Variants in CCDC149 observed in about 807,000 individuals in gnomAD.
The protein encoded by CCDC149 is coiled-coil domain-containing protein 149.
In CCDC149, 45 loss-of-function variants were observed where a neutral mutation model predicts 59.9. The observed-to-expected ratio is 0.75, with a 90% CI of 0.59 to 0.96. The LOEUF (loss-of-function observed/expected upper bound fraction) is 0.96. Among genes scored for constraint, CCDC149 ranks in the 40% least tolerant of loss-of-function variants. The pLI, the probability that CCDC149 is intolerant of heterozygous loss-of-function variation, is 0.00. For synonymous variants in CCDC149, 245 were observed against 260.6 expected, an observed-to-expected ratio of 0.94 and a Z score of 0.58; for missense variants, 584 against 664.7, an observed-to-expected ratio of 0.88 and a Z score of 1.33.
intron 1 of CCDC149, among the ~76,000 whole-genome samples, chr4:24,935,882 G>C (rs1036163439): frequency 6.6e-6 from 1 of 151,992 alleles, no homozygotes; most frequent in Non-Finnish European, 1.5e-5. Context: ...GAAACTGAAC[G>C]GAACCTAGAA....
chr4:24,828,916 G>C (rs1490797815), intron 9 of CCDC149: 1 of 152,434 alleles, frequency 6.6e-6, no homozygotes, highest in Non-Finnish European at 1.5e-5. Flanking sequence ...AGGGAGTGCT[G>C]TGAACCTGGG....
At chr4:24,860,666 A>G (rs1410701585) in intron 3 of CCDC149, among the ~76,000 whole-genome samples, 2 of 152,242 alleles carry the variant, frequency 1.3e-5, no homozygotes, top group Non-Finnish European at 2.9e-5. Flanking sequence ...CAACCCACAG[A>G]GTGGGAGAAA....
chr4:24,903,698 TA>T (rs1293612554), intron 1 of CCDC149, among the ~76,000 whole-genome samples: 1 of 152,130 alleles, frequency 6.6e-6, no homozygotes, highest in African/African-American at 2.4e-5. Flanking sequence ...AATACATCCA[TA>T]AATCCAAAAG....
At chr4:24,942,521 A>G (rs956103981) in intron 1 of CCDC149, among the ~76,000 whole-genome samples, 1 of 152,228 alleles carries the variant, frequency 6.6e-6, no homozygotes, top group African/African-American at 2.4e-5. Flanking sequence ...ACTCCTATTC[A>G]ACATAGTGTT....
Position 24,821,065 on chromosome 4 carries a change from T to C in CCDC149, c.1065A>G (p.Val355=), listed in dbSNP as rs1715358892. 1 of 1,231,000 alleles carries C rather than the reference T, an allele frequency of 8.1e-7. No homozygotes were observed. Among genetic ancestry groups the C allele is most frequent in the Non-Finnish European group, 1.0e-6 (1 of 987,512 alleles). 76.3% of individuals were successfully genotyped at this position (1,231,000 alleles called of 1,614,324 possible). A position where few individuals can be genotyped will look rare whatever the true frequency, so the allele number is the denominator to read the frequency against. ...TTAAACAGAACATACTCCCAAATCCTACTGAAACATTGTAGCTCAGGCCTT... is the reference window on the plus strand; with the variant it reads ...TTAAACAGAACATACTCCCAAATCCCACTGAAACATTGTAGCTCAGGCCTT... The change falls in exon 11 of 13, where the codon GTA becomes GTG. Residue 355 remains valine, a synonymous_variant. Transcript: ENST00000635206.
At chr4:24,898,935 A>G (rs895109435) in intron 1 of CCDC149, among the ~76,000 whole-genome samples, 12 of 152,162 alleles carry the variant, frequency 7.9e-5, no homozygotes, top group African/African-American at 2.9e-4. Context: ...GGTGGTGGAA[A>G]TAAGGGTTAC....
intron 1 of CCDC149, among the ~76,000 whole-genome samples, chr4:24,953,493 G>A (rs1358823045): frequency 6.6e-6 from 1 of 152,096 alleles, no homozygotes; most frequent in Admixed American, 6.6e-5. Context: ...CCAGGAAAAG[G>A]CACATGCTCA....
At chr4:24,859,768 T>C (rs1314286566) in intron 3 of CCDC149, among the ~76,000 whole-genome samples, 5 of 152,194 alleles carry the variant, frequency 3.3e-5, no homozygotes, top group Non-Finnish European at 7.3e-5. Flanking sequence ...ACAAAATCAA[T>C]GTACACAAAT....
intron 9 of CCDC149, among the ~76,000 whole-genome samples, chr4:24,826,393 C>T (rs372084135): frequency 6.6e-6 from 1 of 152,086 alleles, no homozygotes; most frequent in Non-Finnish European, 1.5e-5. Context: ...GTCCAGGTGG[C>T]GTTGATATGG....
chr4:24,929,507 T>G (rs1722524996), intron 1 of CCDC149, among the ~76,000 whole-genome samples: 1 of 152,220 alleles, frequency 6.6e-6, no homozygotes, highest in African/African-American at 2.4e-5. Context: ...ACTGTGGAGA[T>G]AGGTGATTGA....
intron 1 of CCDC149, among the ~76,000 whole-genome samples, chr4:24,900,990 G>C (rs986198048): frequency 6.6e-6 from 1 of 152,178 alleles, no homozygotes; most frequent in Non-Finnish European, 1.5e-5. Flanking sequence ...CAGGTGATGG[G>C]GAGCCACCAC....
chr4:24,944,330 A>G lies in CCDC149; in HGVS notation c.-65+35739T>C, dbSNP rs180837204. The stretch of plus-strand genomic sequence containing the variant: ...AACCAAACACCGCATGTTCTCACTT[A>G]TAGGTGGGAATTGAACAATGAGAAC... On this transcript the variant is annotated intron_variant, in intron 1 of 12. Coordinates refer to the CCDC149 transcript ENST00000389609. Among the ~76,000 whole-genome samples the G allele has an allele frequency of 4.8e-3, 724 of 151,214 alleles. 5 individuals are homozygous for G. The highest frequency in any genetic ancestry group is 8.5e-3 in the Non-Finnish European group (579 of 67,724).
At chr4:24,948,563 G>A (rs1200735317) in intron 1 of CCDC149, among the ~76,000 whole-genome samples, 3 of 152,192 alleles carry the variant, frequency 2.0e-5, no homozygotes, top group African/African-American at 7.2e-5. Context: ...GGTGCCCATA[G>A]AAGATTGGAG....
intron 1 of CCDC149, among the ~76,000 whole-genome samples, chr4:24,959,233 C>G (rs1723566822): frequency 6.6e-6 from 1 of 152,104 alleles, no homozygotes; most frequent in Non-Finnish European, 1.5e-5. Flanking sequence ...CTCAGCCTCC[C>G]AAAGTGCTGG....
At chr4:24,816,801 TAAAG>T (rs1715040474) in intron 12 of CCDC149, among the ~76,000 whole-genome samples, 1 of 152,172 alleles carries the variant, frequency 6.6e-6, no homozygotes, top group Non-Finnish European at 1.5e-5. Flanking sequence ...CTCTAAAAGA[TAAAG>T]AAACAGTATC....
At chr4:24,883,833 C>T (rs374701550) in intron 1 of CCDC149, among the ~76,000 whole-genome samples, 79 of 152,296 alleles carry the variant, frequency 5.2e-4, no homozygotes, top group African/African-American at 1.8e-3. Context: ...ATTTTATGGG[C>T]AAAATAGCTG....
intron 1 of CCDC149, among the ~76,000 whole-genome samples, chr4:24,945,172 C>G (rs1723072354): frequency 6.6e-6 from 1 of 152,136 alleles, no homozygotes; most frequent in Non-Finnish European, 1.5e-5. Context: ...TTTGCACTAC[C>G]CAGGTGTACT....
chr4:24,855,665 T>C (rs190802881), intron 3 of CCDC149, among the ~76,000 whole-genome samples: 403 of 152,324 alleles, frequency 2.6e-3, no homozygotes, highest in African/African-American at 9.2e-3. Flanking sequence ...ACTCACTTAT[T>C]TGAGAACATT....
chr4:24,910,175 T>C (rs1434188168), intron 1 of CCDC149, among the ~76,000 whole-genome samples: 1 of 152,208 alleles, frequency 6.6e-6, no homozygotes, highest in Admixed American at 6.5e-5. Flanking sequence ...CCTTGCCATG[T>C]GGCTGCATCA....
Sources: gnomAD v4.1 joint callset for allele counts (sites outside exome capture counted in the v4.1 genomes callset) on GRCh38, gnomAD v4.1.1 for gene constraint, MANE v1.5 for transcripts, NCBI Gene and HGNC (gene_info 2026-07-23, HGNC 2026-07-21) for gene names.